Variants in TBPL1 observed in about 807,000 individuals in gnomAD.
The protein encoded by TBPL1 is TATA-box binding protein like 1.
A neutral mutation model predicts 22.1 loss-of-function variants in TBPL1; 4 were observed. The ratio of observed to expected loss-of-function variants is 0.18; its 90% CI spans 0.09 to 0.41. The LOEUF (loss-of-function observed/expected upper bound fraction) is 0.41, where lower values mean the gene tolerates loss of function less well. Ranked by LOEUF, TBPL1 falls within the 10% of genes least tolerant of loss-of-function variation. The pLI, the probability that TBPL1 is intolerant of heterozygous loss-of-function variation, is 1.00. For missense variants in TBPL1, 115 were observed against 222.3 expected (o/e 0.52, Z 3.07); for synonymous variants, 64 against 71.0 (o/e 0.90, Z 0.50).
intron 3 of TBPL1, 69 bp from the exon 4 acceptor site, chr6:133,982,748 G>C: frequency 6.3e-7 from 1 of 1,584,278 alleles, no homozygotes. Flanking sequence ...TGTAAAGTTT[G>C]TTATGTTCCT....
intron 1 of TBPL1, among the ~76,000 whole-genome samples, chr6:133,973,480 G>T (rs567819219): frequency 5.3e-5 from 8 of 152,264 alleles, no homozygotes; most frequent in Admixed American, 3.3e-4. Flanking sequence ...TTATGACAGG[G>T]TTTATTGTGG....
rs1257816887 is a variant in TBPL1 at position 133,988,810 on chromosome 6, A to G, written c.*1770A>G. The G allele has an allele frequency of 2.0e-5, 3 of 152,150 alleles. No individual in the cohort carries two copies. The highest frequency in any genetic ancestry group is 4.4e-5 in the Non-Finnish European group (3 of 68,030). 9.4% of individuals were successfully genotyped at this position (152,150 alleles called of 1,614,324 possible). A position where few individuals can be genotyped will look rare whatever the true frequency, so the allele number is the denominator to read the frequency against. On this transcript the variant is annotated 3_prime_UTR_variant, in exon 7 of 7. Transcript: ENST00000237264. ...TTCATAGAGAATAAAATTACATGAA[A>G]GAGTTACAAGCTCACTGTTTTAAAG...
intron 2 of TBPL1, among the ~76,000 whole-genome samples, chr6:133,982,188 A>G (rs117310210): frequency 7.3e-4 from 111 of 152,336 alleles, no homozygotes; most frequent in Admixed American, 1.8e-3. Flanking sequence ...TAATATTCCA[A>G]ATGAAAGCAA....
chr6:133,956,312 T>C (rs1249270602), intron 1 of TBPL1, among the ~76,000 whole-genome samples: 1 of 152,230 alleles, frequency 6.6e-6, no homozygotes, highest in Non-Finnish European at 1.5e-5. Context: ...TAAATCCATT[T>C]TGTTGTGCCT....
In TBPL1 at chr6:133,982,494, A is replaced by G. The variant is rs559820754; in HGVS notation, c.136-74A>G. On this transcript the variant is annotated intron_variant, in intron 2 of 6. Transcript: ENST00000237264. The stretch of plus-strand genomic sequence containing the variant: ...GCTTGGAGAGTAGTATTTGGACATT[A>G]ATATGACTATATAGAACAGAACCTT... 96 of 1,306,408 alleles carry G rather than the reference A, an allele frequency of 7.3e-5. No homozygotes were observed. The African/African-American group carries it at 1.4e-3, about 19-fold the overall frequency. 80.9% of individuals were successfully genotyped at this position (1,306,408 alleles called of 1,614,324 possible). A position where few individuals can be genotyped will look rare whatever the true frequency, so the allele number is the denominator to read the frequency against.
At chr6:133,970,536 T>C (rs935298201) in intron 1 of TBPL1, among the ~76,000 whole-genome samples, 2 of 152,136 alleles carry the variant, frequency 1.3e-5, no homozygotes, top group Non-Finnish European at 2.9e-5. Flanking sequence ...ATGGAAACTT[T>C]TAGGCAGAAA....
intron 1 of TBPL1, among the ~76,000 whole-genome samples, chr6:133,956,589 T>G (rs1489475477): frequency 1.3e-5 from 2 of 152,226 alleles, no homozygotes; most frequent in African/African-American, 4.8e-5. Context: ...GTCCCTGCCC[T>G]GTGTGTGTAT....
chr6:133,983,812 T>C (rs543506848), intron 4 of TBPL1, among the ~76,000 whole-genome samples: 1 of 152,364 alleles, frequency 6.6e-6, no homozygotes, highest in African/African-American at 2.4e-5. Flanking sequence ...TTGGAACTTC[T>C]TTTCTTAGTG....
chr6:133,958,394 C>CT (rs1775962870), intron 1 of TBPL1, among the ~76,000 whole-genome samples: 3 of 151,876 alleles, frequency 2.0e-5, no homozygotes, highest in Admixed American at 6.6e-5. Flanking sequence ...CTAATAGTAG[C>CT]TTTTTTTTGT....
At chr6:133,976,713 G>A (rs1374602867) in intron 1 of TBPL1, among the ~76,000 whole-genome samples, 1 of 152,140 alleles carries the variant, frequency 6.6e-6, no homozygotes, top group African/African-American at 2.4e-5. Flanking sequence ...TTGTCGGCCT[G>A]GCGCGGTGGC....
In TBPL1 at chr6:133,985,297, AATATATATATAT is replaced by A. The variant is rs3068194; in HGVS notation, c.481+656_481+667del. On this transcript the variant is annotated intron_variant, in intron 6 of 6. Transcript: ENST00000237264. ...TGTCTAAAAAAAAAAAAAAAAAAAA[AATATATATATAT>A]ATATATATATATATATATATATATA... Among the ~76,000 whole-genome samples, 33 of 42,898 alleles carry A rather than the reference AATATATATATAT, an allele frequency of 7.7e-4. 4 individuals carry two copies. Among genetic ancestry groups the A allele is most frequent in the South Asian group, 5.2e-3 (5 of 960 alleles). The allele number at this position is 42,898 out of a possible 152,430, so 28.1% of individuals were successfully genotyped here.
chr6:133,980,135 G>T lies in TBPL1; in HGVS notation c.10G>T (p.Asp4Tyr). MDA[D>Y]SDVALDILIT... ...TTTTAAAACCACCCCAATGGATGCA[G>T]ACAGTGATGTTGCATTGGACATTCT... The change falls in exon 2 of 7, where the codon GAC (aspartate) becomes TAC (tyrosine). Residue 4 changes from aspartate to tyrosine, a missense_variant. Transcript: ENST00000237264. 6.4e-7 allele frequency: 1 copy of T among 1,561,536 alleles called. No individual in the cohort carries two copies. The highest frequency in any genetic ancestry group is 8.7e-7 in the Non-Finnish European group (1 of 1,155,140).
chr6:133,952,230 C>A (rs1775843553), upstream of TBPL1: 1 of 152,226 alleles, frequency 6.6e-6, no homozygotes, highest in South Asian at 2.1e-4. The surrounding 1 kb of genome is among the most constrained non-coding windows in gnomAD (Gnocchi z 4.5). Context: ...CGAGGGACCC[C>A]GAGGACGCAC....
chr6:133,981,519 T>A (rs1489469627), intron 2 of TBPL1, among the ~76,000 whole-genome samples: 1 of 152,200 alleles, frequency 6.6e-6, no homozygotes, highest in Non-Finnish European at 1.5e-5. Flanking sequence ...ATAGACAAGC[T>A]GGTGATGGTG....
At chr6:133,979,987 AAT>A (rs1776380521) in intron 1 of TBPL1, 93 bp from the exon 2 acceptor site, 1 of 957,190 alleles carries the variant, frequency 1.0e-6, no homozygotes, top group East Asian at 3.2e-5. Flanking sequence ...AAAAATAAAT[AAT>A]ATAGATTCAT....
chr6:133,984,467 G>A lies in TBPL1; in HGVS notation c.374G>A (p.Arg125Lys). ...TTGCCAGAATTCACAAAGAACAATAGACCTCATGCCAGGTAAGTCTTTGAA... is the reference window on the plus strand; with the variant it reads ...TTGCCAGAATTCACAAAGAACAATAAACCTCATGCCAGGTAAGTCTTTGAA... The part of the protein sequence containing the change: ...IRLPEFTKNN[R>K]PHASYEPELH... The change falls in exon 5 of 7, where the codon AGA becomes AAA. Residue 125 changes from arginine to lysine, a missense_variant. Physicochemically the swap from Arg to Lys is conservative, Grantham distance 26 (BLOSUM62 2). Coordinates refer to ENST00000237264, the MANE Select transcript of TBPL1 (RefSeq NM_004865.4). The A allele has an allele frequency of 6.2e-7, 1 of 1,613,662 alleles. No individual in the cohort carries two copies. The highest frequency in any genetic ancestry group is 8.5e-7 in the Non-Finnish European group (1 of 1,179,816).
intron 1 of TBPL1, among the ~76,000 whole-genome samples, chr6:133,978,737 G>A (rs1353490399): frequency 6.6e-6 from 1 of 152,090 alleles, no homozygotes; most frequent in African/African-American, 2.4e-5. Context: ...CAGAAGTCTT[G>A]GTCTGGTTTG....
intron 1 of TBPL1, among the ~76,000 whole-genome samples, chr6:133,953,779 A>T (rs1775879809): frequency 2.0e-5 from 3 of 152,044 alleles, no homozygotes; most frequent in Admixed American, 6.5e-5. Context: ...GGGAAAAGAG[A>T]TTCCTCATCT....
At chr6:133,975,718 A>G (rs938028824) in intron 1 of TBPL1, among the ~76,000 whole-genome samples, 1 of 152,244 alleles carries the variant, frequency 6.6e-6, no homozygotes, top group Non-Finnish European at 1.5e-5. Flanking sequence ...AACACTGTGT[A>G]TAACAAGTTT....
Sources: gnomAD v4.1 joint callset for allele counts (sites outside exome capture counted in the v4.1 genomes callset) on GRCh38, gnomAD v4.1.1 for gene constraint, Gnocchi (gnomAD v3.1) non-coding constraint, MANE v1.5 for transcripts, NCBI Gene and HGNC (gene_info 2026-07-23, HGNC 2026-07-21) for gene names.